RAPGEF6: variants seen among roughly 807,000 people sequenced by gnomAD.
RAPGEF6 encodes Rap guanine nucleotide exchange factor 6.
A neutral mutation model predicts 171.4 loss-of-function variants in RAPGEF6; 56 were observed. The ratio of observed to expected loss-of-function variants is 0.33; its 90% CI spans 0.26 to 0.41. RAPGEF6 has a LOEUF of 0.41. RAPGEF6 is among the 10% of genes least tolerant of loss of function. The pLI, the probability that RAPGEF6 is intolerant of heterozygous loss-of-function variation, is 1.00. For missense variants in RAPGEF6, 1,674 were observed against 1,921.4 expected, an observed-to-expected ratio of 0.87 and a Z score of 2.41; for synonymous variants, 692 against 650.1, an observed-to-expected ratio of 1.06 and a Z score of -0.98.
At chr5:131,536,846 G>C (rs77326079) in intron 6 of RAPGEF6, among the ~76,000 whole-genome samples, 1 of 152,124 alleles carries the variant, frequency 6.6e-6, no homozygotes, top group African/African-American at 2.4e-5. Context: ...TCTTCAAAAA[G>C]AGAGTAACAT....
intron 1 of RAPGEF6, among the ~76,000 whole-genome samples, chr5:131,615,987 G>C (rs1765239626): frequency 6.6e-6 from 1 of 152,050 alleles, no homozygotes; most frequent in South Asian, 2.1e-4. Context: ...AGTAACATCT[G>C]ATTCAGCACT....
chr5:131,612,201 A>ATTT lies in RAPGEF6; in HGVS notation c.70-7511_70-7509dup, dbSNP rs35306366. On this transcript the variant is annotated intron_variant, in intron 1 of 27. Coordinates refer to ENST00000509018, the MANE Select transcript of RAPGEF6 (RefSeq NM_016340.6). ...AGGCGTGCACCACCATGCTCAGCTAATTTTTTTTTTTTTTTTTTTTTTTTT... is the reference window on the plus strand; with the variant it reads ...AGGCGTGCACCACCATGCTCAGCTAATTTTTTTTTTTTTTTTTTTTTTTTTTTT... Among the ~76,000 whole-genome samples the ATTT allele has an allele frequency of 2.0e-3, 164 of 83,288 alleles. 1 individual carries two copies. Among genetic ancestry groups the ATTT allele is most frequent in the South Asian group, 3.1e-3 (7 of 2,250 alleles). 54.6% of individuals were successfully genotyped at this position (83,288 alleles called of 152,430 possible). A position where few individuals can be genotyped will look rare whatever the true frequency, so the allele number is the denominator to read the frequency against.
intron 23 of RAPGEF6, 52 bp downstream of exon 23, chr5:131,442,297 C>T: frequency 6.7e-7 from 1 of 1,490,960 alleles, no homozygotes; most frequent in Non-Finnish European, 9.1e-7. Context: ...TTCACTCTAA[C>T]TCCCCTGGAA....
At chr5:131,596,875 C>T (rs1180462649) in intron 3 of RAPGEF6, among the ~76,000 whole-genome samples, 1 of 152,088 alleles carries the variant, frequency 6.6e-6, no homozygotes, top group Non-Finnish European at 1.5e-5. Context: ...GCAACAGAAA[C>T]AAAAACAGAT....
At chr5:131,427,337 T>G in intron 27 of RAPGEF6, 46 bp from the exon 28 acceptor site, 1 of 1,470,174 alleles carries the variant, frequency 6.8e-7, no homozygotes, top group Non-Finnish European at 9.4e-7. Flanking sequence ...AGCATATTAA[T>G]GAGATCCTAA....
At chr5:131,513,712 A>G (rs1674012868) in intron 7 of RAPGEF6, among the ~76,000 whole-genome samples, 1 of 152,172 alleles carries the variant, frequency 6.6e-6, no homozygotes, top group Non-Finnish European at 1.5e-5. Flanking sequence ...CTACCCTTAC[A>G]ATTTGTCTTT....
At chr5:131,529,825 G>C (rs571291807) in intron 6 of RAPGEF6, among the ~76,000 whole-genome samples, 24 of 151,526 alleles carry the variant, frequency 1.6e-4, no homozygotes, top group African/African-American at 5.8e-4. Flanking sequence ...TTGAGCCCAG[G>C]AGTTCAAGGC....
rs566525007 is a variant in RAPGEF6, at chr5:131,556,211, G to A, written c.351+5767C>T. Among the ~76,000 whole-genome samples, 111 of 152,272 alleles carry A rather than the reference G, an allele frequency of 7.3e-4. 1 individual carries two copies. The highest frequency in any genetic ancestry group is 1.1e-3 in the Non-Finnish European group (72 of 68,008). On this transcript the variant is annotated intron_variant, in intron 5 of 27. Transcript: ENST00000509018. Reference sequence around the variant, plus strand: ...TCCCAGCACTTCGGGAGGCCGAGGTGGGTGGATCACCTGAGGTCAGGAGTT... The same window carrying A: ...TCCCAGCACTTCGGGAGGCCGAGGTAGGTGGATCACCTGAGGTCAGGAGTT...
intron 7 of RAPGEF6, 117 bp from the exon 8 acceptor site, chr5:131,510,608 A>G: frequency 3.5e-6 from 3 of 869,278 alleles, no homozygotes; most frequent in Non-Finnish European, 5.2e-6. Flanking sequence ...GCAACGCTGG[A>G]TGCTGCATCA....
rs1486974738 is a variant in RAPGEF6 at position 131,492,694 on chromosome 5, G to C, written c.1619C>G (p.Ser540Cys). The C allele has an allele frequency of 6.2e-7, 1 of 1,613,948 alleles. No individual in the cohort carries two copies. Among genetic ancestry groups the C allele is most frequent in the Non-Finnish European group, 8.5e-7 (1 of 1,179,970 alleles). The change falls in exon 14 of 28, where the codon TCC becomes TGC. Residue 540 changes from serine to cysteine, a missense_variant. By Grantham distance (112) the Ser-to-Cys change is moderately radical. Around this residue, in one of 3 missense-constraint regions of RAPGEF6, gnomAD observed 1,116 missense variants for 1,321.5 expected, o/e 0.84. Coordinates refer to ENST00000509018, the MANE Select transcript of RAPGEF6 (RefSeq NM_016340.6). ...TCCATTAAGGCTGAATTGTAGAGGGGACTCGCGGGAAGCCTTTTGCAGCAC... is the reference window on the plus strand; with the variant it reads ...TCCATTAAGGCTGAATTGTAGAGGGCACTCGCGGGAAGCCTTTTGCAGCAC... ...QVVLQKASRE[S>C]PLQFSLNGGS...
At chr5:131,612,781 C>T (rs954195332) in intron 1 of RAPGEF6, among the ~76,000 whole-genome samples, 6 of 152,182 alleles carry the variant, frequency 3.9e-5, no homozygotes, top group Non-Finnish European at 7.3e-5. Context: ...CTCAACTAAA[C>T]TTATATCATA....
intron 1 of RAPGEF6, among the ~76,000 whole-genome samples, chr5:131,613,675 C>T (rs1462190440): frequency 6.6e-6 from 1 of 152,004 alleles, no homozygotes; most frequent in East Asian, 1.9e-4. Flanking sequence ...TTTGTTAGCT[C>T]CTGAAACATA....
At chr5:131,600,111 A>T (rs1190666816) in intron 3 of RAPGEF6, among the ~76,000 whole-genome samples, 1 of 152,242 alleles carries the variant, frequency 6.6e-6, no homozygotes, top group East Asian at 1.9e-4. Flanking sequence ...ATATATCACA[A>T]CAGACTGAAT....
At chr5:131,584,994 G>A (rs898541251) in intron 4 of RAPGEF6, among the ~76,000 whole-genome samples, 2 of 152,100 alleles carry the variant, frequency 1.3e-5, no homozygotes, top group Non-Finnish European at 2.9e-5. Flanking sequence ...AAATTTAAGG[G>A]ATACTTTATT....
intron 1 of RAPGEF6, among the ~76,000 whole-genome samples, chr5:131,632,394 C>A (rs1766370103): frequency 6.6e-6 from 1 of 152,176 alleles, no homozygotes; most frequent in Non-Finnish European, 1.5e-5. Context: ...AGTCTTTGAT[C>A]AAAAATCATC....
intron 11 of RAPGEF6, among the ~76,000 whole-genome samples, chr5:131,500,251 GA>G (rs1312213582): frequency 6.6e-5 from 10 of 152,294 alleles, no homozygotes; most frequent in Non-Finnish European, 1.2e-4. Flanking sequence ...AAGGAACTCA[GA>G]AACAACCTCC....
intron 1 of RAPGEF6, among the ~76,000 whole-genome samples, chr5:131,616,609 C>A (rs1022816088): frequency 6.6e-6 from 1 of 152,160 alleles, no homozygotes; most frequent in African/African-American, 2.4e-5. Flanking sequence ...GAATTTCTTA[C>A]CTATGATACA....
At chr5:131,469,020 G>A (rs1009743889) in intron 17 of RAPGEF6, among the ~76,000 whole-genome samples, 8 of 152,130 alleles carry the variant, frequency 5.3e-5, no homozygotes, top group African/African-American at 1.7e-4. Flanking sequence ...GTAAAGATAC[G>A]TGAACACAAA....
chr5:131,600,749 T>C (rs1039061938), intron 3 of RAPGEF6, among the ~76,000 whole-genome samples: 1 of 152,186 alleles, frequency 6.6e-6, no homozygotes, highest in Non-Finnish European at 1.5e-5. Context: ...TCTTGAATTC[T>C]ACCTCACATC....
Sources: gnomAD v4.1 joint callset for allele counts (sites outside exome capture counted in the v4.1 genomes callset) on GRCh38, gnomAD v4.1.1 for gene constraint, gnomAD v4.1.1 regional missense constraint, MANE v1.5 for transcripts, NCBI Gene and HGNC (gene_info 2026-07-23, HGNC 2026-07-21) for gene names.